EML6: variants seen among roughly 807,000 people sequenced by gnomAD.
EML6 encodes echinoderm microtubule-associated protein-like 6.
In EML6, 154 loss-of-function variants were observed where a neutral mutation model predicts 240.1. That is an observed-to-expected ratio of 0.64 (90% CI 0.56 to 0.73). The LOEUF (loss-of-function observed/expected upper bound fraction) is 0.73, where lower values mean the gene tolerates loss of function less well. EML6 is among the 30% of genes least tolerant of loss of function. The pLI is 0.00. For missense variants in EML6, 2,964 were observed against 2,474.6 expected (o/e 1.20, Z -4.20); for synonymous variants, 1,148 against 899.0 (o/e 1.28, Z -4.95).
intron 10 of EML6, among the ~76,000 whole-genome samples, chr2:54,853,055 T>A (rs1670176697): frequency 6.6e-6 from 1 of 152,208 alleles, no homozygotes; most frequent in Middle Eastern, 3.2e-3. Context: ...TACTTATAAA[T>A]TTAAATAATA....
At chr2:54,873,708 T>C (rs957532944) in intron 16 of EML6, among the ~76,000 whole-genome samples, 1 of 145,110 alleles carries the variant, frequency 6.9e-6, no homozygotes, top group African/African-American at 2.6e-5. Context: ...ATTAATATGC[T>C]TTAGAAGAGT....
At chr2:54,807,063 T>C (rs1050149413) in intron 2 of EML6, among the ~76,000 whole-genome samples, 2 of 152,246 alleles carry the variant, frequency 1.3e-5, no homozygotes, top group Non-Finnish European at 2.9e-5. Flanking sequence ...TGTCATACTT[T>C]TTATTCCACA....
chr2:54,872,265 A>C (rs1374136513), intron 16 of EML6, among the ~76,000 whole-genome samples: 1 of 152,232 alleles, frequency 6.6e-6, no homozygotes, highest in Non-Finnish European at 1.5e-5. Context: ...TCTACCTAGA[A>C]ATTTTTAATA....
intron 22 of EML6, among the ~76,000 whole-genome samples, chr2:54,900,434 G>A (rs1036376022): frequency 6.6e-6 from 1 of 152,184 alleles, no homozygotes; most frequent in Admixed American, 6.5e-5. Context: ...GATGGGGAAG[G>A]TATGAGGAAA....
At position 54,928,661 on chromosome 2, in the gene EML6, A is replaced by C. The variant is rs981602222; in HGVS notation, c.3914A>C (p.Asp1305Ala). 1.3e-6 allele frequency: 2 copies of C among 1,552,052 alleles called. No homozygotes were observed. The highest frequency in any genetic ancestry group is 1.7e-6 in the Non-Finnish European group (2 of 1,147,050). ...DSDVAREKAI[D>A]YTTKIYAVSI... ...GATGTTGCTAGAGAAAAGGCCATTGACTACACCACCAAGATTTATGCTGTG... is the reference window on the plus strand; with the variant it reads ...GATGTTGCTAGAGAAAAGGCCATTGCCTACACCACCAAGATTTATGCTGTG... The change falls in exon 28 of 42, where the codon GAC (aspartate) becomes GCC (alanine). Residue 1305 changes from aspartate (D) to alanine (A), a missense_variant. Physicochemically the swap from Asp to Ala is moderately radical, Grantham distance 126. Coordinates refer to ENST00000356458, the MANE Select transcript of EML6 (RefSeq NM_001039753.4).
chr2:54,784,441 A>G (rs1558544976), intron 2 of EML6, among the ~76,000 whole-genome samples: 2 of 152,202 alleles, frequency 1.3e-5, no homozygotes, highest in Non-Finnish European at 2.9e-5. Context: ...AAGTGTTATA[A>G]GACTTTACCG....
intron 41 of EML6, 49 bp downstream of exon 41, chr2:54,968,817 T>G: frequency 2.0e-6 from 2 of 1,006,598 alleles, no homozygotes; most frequent in Non-Finnish European, 3.1e-6. Context: ...TGGCCAGCTC[T>G]CCCTCCCCAT....
intron 2 of EML6, among the ~76,000 whole-genome samples, chr2:54,791,882 A>T (rs1669475633): frequency 6.6e-6 from 1 of 152,158 alleles, no homozygotes; most frequent in Non-Finnish European, 1.5e-5. Flanking sequence ...AGAGGGTGGG[A>T]TGAGATTTTA....
chr2:54,741,511 A>T (rs1683630544), intron 2 of EML6, among the ~76,000 whole-genome samples: 1 of 152,330 alleles, frequency 6.6e-6, no homozygotes, highest in African/African-American at 2.4e-5. Context: ...AAGCAGTGAC[A>T]CATCAGCACC....
At chr2:54,826,167 G>GT (rs1668581489) in intron 5 of EML6, among the ~76,000 whole-genome samples, 5 of 152,142 alleles carry the variant, frequency 3.3e-5, no homozygotes, top group Admixed American at 3.3e-4. Flanking sequence ...CTTATCTTCA[G>GT]TGAGCTACTT....
chr2:54,928,451 G>T lies in EML6; in HGVS notation c.3814G>T (p.Gly1272Trp). Residue 1272 changes from glycine (G) to tryptophan (W), a missense_variant, in exon 27 of 42, where the codon GGG (glycine) becomes TGG (tryptophan). Transcript: ENST00000356458. ...GATGATCTGGACCAGGGAGTTTGTG[G>T]GGACCCAGGAGAGCAAGCTGGTGGA... is the stretch of plus-strand genomic sequence containing the variant. ...ALMIWTREFV[G>W]TQESKLVDSE... The T allele has an allele frequency of 6.4e-7, 1 of 1,550,620 alleles. No individual in the cohort carries two copies. The highest frequency in any genetic ancestry group is 1.4e-5 in the African/African-American group (1 of 73,078).
At position 54,968,706 on chromosome 2, in the gene EML6, GACGA is replaced by G. The variant is rs1275377313; in HGVS notation, c.5793_5796del (p.Asn1932SerfsTer49). 2.6e-6 allele frequency: 4 copies of G among 1,551,504 alleles called. No homozygotes were observed. Among genetic ancestry groups the G allele is most frequent in the Non-Finnish European group, 3.5e-6 (4 of 1,146,776 alleles). ...GATACTTCGGTCACTCGGCTCACGT[GACGA>G]ACATCCGTTTCTCTTATGATGACAA... On this transcript the variant is annotated frameshift_variant, in exon 41 of 42. Coordinates refer to ENST00000356458, the MANE Select transcript of EML6 (RefSeq NM_001039753.4). LOFTEE classifies it high-confidence loss of function.
chr2:54,911,950 C>T (rs1312094104), intron 25 of EML6, among the ~76,000 whole-genome samples: 3 of 152,158 alleles, frequency 2.0e-5, no homozygotes, highest in Middle Eastern at 3.2e-3. Context: ...TCAGGGTGTA[C>T]ACATAATGAG....
intron 28 of EML6, among the ~76,000 whole-genome samples, chr2:54,933,140 A>G (rs1455186757): frequency 6.6e-6 from 1 of 152,330 alleles, no homozygotes; most frequent in South Asian, 2.1e-4. Context: ...GTTCAAAATC[A>G]GTAGGAAAGA....
chr2:54,941,419 A>C (rs560565048), intron 28 of EML6, among the ~76,000 whole-genome samples: 15 of 152,320 alleles, frequency 9.8e-5, no homozygotes, highest in Non-Finnish European at 2.1e-4. Context: ...GCAAATGAGC[A>C]ACCTGTGCTC....
rs2118762 is a variant in EML6, at chr2:54,848,110, G to A, written c.1187+487G>A. Reference sequence around the variant, plus strand: ...AGAAAGAATAAAGCAGCACCCAACAGCACCAGATGTTTAGAGGTGAGCTTT... The same window carrying A: ...AGAAAGAATAAAGCAGCACCCAACAACACCAGATGTTTAGAGGTGAGCTTT... On this transcript the variant is annotated intron_variant, in intron 9 of 41. Coordinates refer to ENST00000356458, the MANE Select transcript of EML6 (RefSeq NM_001039753.4). Among the ~76,000 whole-genome samples the A allele has an allele frequency of 3.3e-3, 505 of 152,192 alleles. 3 individuals are homozygous for A. The highest frequency in any genetic ancestry group is 0.012 in the African/African-American group (488 of 41,516).
chr2:54,971,098 CCT>C lies in EML6; in HGVS notation c.*1004_*1005del, dbSNP rs1181487914. 1 of 152,080 alleles carries C rather than the reference CCT, an allele frequency of 6.6e-6. No homozygotes were observed. Among genetic ancestry groups the C allele is most frequent in the South Asian group, 2.1e-4 (1 of 4,826 alleles). The allele number at this position is 152,080 out of a possible 1,614,324, so 9.4% of individuals were successfully genotyped here. A position where few individuals can be genotyped will look rare whatever the true frequency, so the allele number is the denominator to read the frequency against. ...CCAAGGCTGCACCTTGGTGTACCAC[CCT>C]GAGTGGAGTTGAGGTGACTTCATTT... On this transcript the variant is annotated 3_prime_UTR_variant, in exon 42 of 42. Coordinates refer to ENST00000356458, the MANE Select transcript of EML6 (RefSeq NM_001039753.4).
chr2:54,938,206 C>A (rs1476833979), intron 28 of EML6, among the ~76,000 whole-genome samples: 1 of 152,154 alleles, frequency 6.6e-6, no homozygotes, highest in Non-Finnish European at 1.5e-5. Flanking sequence ...ATTAGCTAGG[C>A]ATGGTGGCGG....
rs982872800 is a variant in EML6, at chr2:54,842,813, A to G, written c.848-1234A>G. ...GGATGAAATAGTACTACTGAGAGGGACGTGTGGACTTTAAAGGAGTACTAT... is the reference window on the plus strand; with the variant it reads ...GGATGAAATAGTACTACTGAGAGGGGCGTGTGGACTTTAAAGGAGTACTAT... On this transcript the variant is annotated intron_variant, in intron 7 of 41. Coordinates refer to ENST00000356458, the MANE Select transcript of EML6 (RefSeq NM_001039753.4). Among the ~76,000 whole-genome samples, 13 of 152,200 alleles carry G rather than the reference A, an allele frequency of 8.5e-5. 1 individual carries two copies. Among genetic ancestry groups the G allele is most frequent in the South Asian group, 2.1e-4 (1 of 4,832 alleles).
Sources: allele counts gnomAD v4.1 joint callset (sites outside exome capture counted in the v4.1 genomes callset), GRCh38; gene constraint gnomAD v4.1.1; transcripts MANE v1.5; gene names NCBI Gene and HGNC (gene_info 2026-07-23, HGNC 2026-07-21).